The following MBD5 variants were observed in gnomAD, a reference collection of about 807,000 sequenced individuals.
MBD5 encodes the protein methyl-CpG-binding domain protein 5.
A neutral mutation model predicts 117.3 loss-of-function variants in MBD5; 13 were observed. The ratio of observed to expected loss-of-function variants is 0.11; its 90% confidence interval spans 0.07 to 0.18. The LOEUF is 0.18. Ranked by LOEUF, MBD5 falls within the 10% of genes least tolerant of loss-of-function variation. The probability of loss-of-function intolerance (pLI) is 1.00; values close to 1 mark genes in which losing one functional copy is unlikely to be tolerated. For synonymous variants in MBD5, 727 were observed against 766.4 expected (o/e 0.95, Z 0.85); for missense variants, 1,879 against 2,093.8 (o/e 0.90, Z 2.00).
intron 3 of MBD5, among the ~76,000 whole-genome samples, chr2:148,240,959 G>A (rs1370227743): frequency 6.6e-6 from 1 of 151,322 alleles, no homozygotes; most frequent in Non-Finnish European, 1.5e-5. Flanking sequence ...TTTCTCTGCT[G>A]AAATGCTATT....
At chr2:148,204,237 G>T (rs1699218561) in intron 2 of MBD5, among the ~76,000 whole-genome samples, 1 of 152,064 alleles carries the variant, frequency 6.6e-6, no homozygotes, top group Non-Finnish European at 1.5e-5. Context: ...ATATGAAATT[G>T]GAAGGAGCAC....
chr2:148,230,890 C>T (rs1481794283), intron 2 of MBD5, among the ~76,000 whole-genome samples: 2 of 152,134 alleles, frequency 1.3e-5, no homozygotes, highest in East Asian at 1.9e-4. Context: ...AACTGGTGCC[C>T]TACCCTGCTG....
At chr2:148,274,428 A>G (rs751742623) in intron 3 of MBD5, among the ~76,000 whole-genome samples, 9 of 151,814 alleles carry the variant, frequency 5.9e-5, no homozygotes, top group Admixed American at 1.3e-4. Context: ...TTTTGTTGAA[A>G]TAATCTCGAC....
intron 3 of MBD5, among the ~76,000 whole-genome samples, chr2:148,323,061 G>C (rs1018723238): frequency 2.5e-4 from 38 of 149,418 alleles, no homozygotes; most frequent in Admixed American, 1.3e-3. Flanking sequence ...TGTTCTCATT[G>C]TACAATTCCC....
intron 11 of MBD5, among the ~76,000 whole-genome samples, chr2:148,495,963 T>A (rs1473022141): frequency 6.6e-6 from 1 of 152,238 alleles, no homozygotes; most frequent in Non-Finnish European, 1.5e-5. Flanking sequence ...CCCCAGGAAC[T>A]AACTTTGGGA....
chr2:148,386,435 C>A (rs1411402686), intron 4 of MBD5, among the ~76,000 whole-genome samples: 1 of 152,112 alleles, frequency 6.6e-6, no homozygotes, highest in Admixed American at 6.6e-5. Context: ...ATACTTTATG[C>A]CGGCCGGGCG....
At chr2:148,301,145 T>G (rs573849590) in intron 3 of MBD5, among the ~76,000 whole-genome samples, 1 of 152,224 alleles carries the variant, frequency 6.6e-6, no homozygotes, top group South Asian at 2.1e-4. Flanking sequence ...CAAACCAAAC[T>G]ATCTTATAGT....
At chr2:148,370,201 T>C (rs1703812353) in intron 4 of MBD5, among the ~76,000 whole-genome samples, 1 of 152,218 alleles carries the variant, frequency 6.6e-6, no homozygotes, top group Non-Finnish European at 1.5e-5. Context: ...ATGTTTGTAT[T>C]TTTAAAATGG....
At chr2:148,148,035 T>A (rs1461519094) in intron 1 of MBD5, among the ~76,000 whole-genome samples, 1 of 152,202 alleles carries the variant, frequency 6.6e-6, no homozygotes, top group Admixed American at 6.5e-5. Context: ...GATTTTTTTG[T>A]AAGCCTCTTG....
At chr2:148,232,719 A>G (rs1700018914) in intron 2 of MBD5, among the ~76,000 whole-genome samples, 1 of 151,760 alleles carries the variant, frequency 6.6e-6, no homozygotes, top group African/African-American at 2.4e-5. Context: ...TTTTAATAAA[A>G]TAATGTCCTA....
At chr2:148,100,056 G>A (rs1290153235) in intron 1 of MBD5, among the ~76,000 whole-genome samples, 1 of 152,112 alleles carries the variant, frequency 6.6e-6, no homozygotes, top group Non-Finnish European at 1.5e-5. Context: ...GATAGACAGG[G>A]CACCCAAATC....
intron 3 of MBD5, among the ~76,000 whole-genome samples, chr2:148,308,474 T>C (rs1701947420): frequency 6.8e-6 from 1 of 147,094 alleles, no homozygotes; most frequent in Admixed American, 6.9e-5. Flanking sequence ...TTCTCCCACT[T>C]TTTGATGGGG....
Position 148,490,204 on chromosome 2 carries a change from T to A in MBD5, c.4572T>A (p.Asn1524Lys). 1 of 1,614,094 alleles carries A rather than the reference T, an allele frequency of 6.2e-7. No homozygotes were observed. The highest frequency in any genetic ancestry group is 8.5e-7 in the Non-Finnish European group (1 of 1,180,026). The change falls in exon 11 of 14, where the codon AAT (asparagine) becomes AAA (lysine). Residue 1524 changes from asparagine (N) to lysine (K), a missense_variant. Asn to Lys is a moderately conservative substitution (Grantham distance 94). Coordinates refer to ENST00000642680, the MANE Select transcript of MBD5 (RefSeq NM_001378120.1). Reference sequence around the variant, plus strand: ...CTGTGGAAAGATGTGCACACATAAATGGGAATAGACCTCGACAGAGTCGGG... The same window carrying A: ...CTGTGGAAAGATGTGCACACATAAAAGGGAATAGACCTCGACAGAGTCGGG... ...ENTVERCAHINGNRPRQSRGF... is the reference protein window; with the variant it reads ...ENTVERCAHIKGNRPRQSRGF...
intron 3 of MBD5, among the ~76,000 whole-genome samples, chr2:148,286,944 A>G (rs935686799): frequency 1.3e-5 from 2 of 152,192 alleles, no homozygotes; most frequent in Non-Finnish European, 2.9e-5. Context: ...ATGACATTTT[A>G]ATTTTCATTT....
At chr2:148,065,692 G>A (rs1331258229) in intron 1 of MBD5, among the ~76,000 whole-genome samples, 1 of 152,224 alleles carries the variant, frequency 6.6e-6, no homozygotes, top group Non-Finnish European at 1.5e-5. Flanking sequence ...GACATGGAAA[G>A]TAGGGAATAG....
At chr2:148,424,512 C>G (rs762337151) in intron 4 of MBD5, among the ~76,000 whole-genome samples, 5 of 151,918 alleles carry the variant, frequency 3.3e-5, no homozygotes, top group Admixed American at 1.3e-4. Context: ...AGGACTTGAA[C>G]TCAGCTCTGG....
intron 4 of MBD5, among the ~76,000 whole-genome samples, chr2:148,371,540 A>G (rs889588631): frequency 3.3e-5 from 5 of 152,188 alleles, no homozygotes; most frequent in African/African-American, 1.2e-4. Context: ...TAGGCTATAA[A>G]TATTACGTTA....
intron 1 of MBD5, among the ~76,000 whole-genome samples, chr2:148,067,885 C>G (rs577366069): frequency 6.6e-6 from 1 of 152,318 alleles, no homozygotes; most frequent in Non-Finnish European, 1.5e-5. Context: ...AACTCTAGCT[C>G]TGTTTCCTTG....
At chr2:148,150,879 A>C (rs966529401) in intron 1 of MBD5, among the ~76,000 whole-genome samples, 10 of 152,110 alleles carry the variant, frequency 6.6e-5, no homozygotes, top group Admixed American at 5.2e-4. Flanking sequence ...CAATCATGTC[A>C]TCTGCAAACA....
Sources: gnomAD v4.1 joint callset for allele counts (sites outside exome capture counted in the v4.1 genomes callset) on GRCh38, gnomAD v4.1.1 for gene constraint, MANE v1.5 for transcripts, NCBI Gene and HGNC (gene_info 2026-07-23, HGNC 2026-07-21) for gene names.